Variants in FIGN observed in about 807,000 individuals in gnomAD.
FIGN encodes fidgetin.
FIGN carries 11 observed loss-of-function variants against 51.3 expected under a neutral mutation model. The observed-to-expected ratio is 0.21, with a 90% CI of 0.13 to 0.35. The LOEUF (loss-of-function observed/expected upper bound fraction) is 0.35, where lower values mean the gene tolerates loss of function less well. Among genes scored for constraint, FIGN ranks in the 10% least tolerant of loss-of-function variants. The pLI, the probability that FIGN is intolerant of heterozygous loss-of-function variation, is 1.00. For missense variants in FIGN, 857 were observed against 943.6 expected (o/e 0.91, Z 1.20); for synonymous variants, 407 against 363.2 (o/e 1.12, Z -1.37).
At chr2:163,659,712 T>C (rs1683620713) in intron 2 of FIGN, among the ~76,000 whole-genome samples, 1 of 152,222 alleles carries the variant, frequency 6.6e-6, no homozygotes, top group Non-Finnish European at 1.5e-5. Context: ...ACCAGGGTAA[T>C]TAGATTATGA....
In FIGN at chr2:163,713,016, T is replaced by TTTTA. The variant is rs1244532654; in HGVS notation, c.25+21883_25+21886dup. On this transcript the variant is annotated intron_variant, in intron 2 of 2. Coordinates refer to ENST00000333129, the MANE Select transcript of FIGN (RefSeq NM_018086.4). ...CAGAGATTCAGTCACATGAATAATA[T>TTTTA]TTTAGCAAAAACTCTGAGGATGAGG... 2.0e-4 allele frequency among the ~76,000 whole-genome samples: 30 copies of TTTTA among 152,288 alleles called. No individual in the cohort carries two copies. The East Asian group carries it at 4.6e-3, about 23-fold the overall frequency.
intron 2 of FIGN, among the ~76,000 whole-genome samples, chr2:163,632,536 C>A (rs1395318450): frequency 2.6e-5 from 4 of 152,182 alleles, no homozygotes; most frequent in Non-Finnish European, 5.9e-5. Flanking sequence ...CGGGGAGAGA[C>A]CTGGAGATCC....
chr2:163,660,345 C>T (rs1034468624), intron 2 of FIGN, among the ~76,000 whole-genome samples: 1 of 152,024 alleles, frequency 6.6e-6, no homozygotes, highest in African/African-American at 2.4e-5. Flanking sequence ...TCCTTTACTT[C>T]CTTCTCATTG....
intron 2 of FIGN, among the ~76,000 whole-genome samples, chr2:163,704,360 T>A (rs1246534689): frequency 5.3e-5 from 8 of 152,032 alleles, no homozygotes; most frequent in African/African-American, 1.9e-4. Context: ...AAGTGGCAAT[T>A]CTGTGGTGAT....
chr2:163,723,879 T>C (rs1684798171), intron 2 of FIGN, among the ~76,000 whole-genome samples: 1 of 150,044 alleles, frequency 6.7e-6, no homozygotes, highest in South Asian at 2.1e-4. Flanking sequence ...ATGCTTATCA[T>C]CTCTTCTGAT....
chr2:163,707,352 CT>C (rs967562991), intron 2 of FIGN, among the ~76,000 whole-genome samples: 2 of 1,768 alleles, frequency 1.1e-3, no homozygotes, highest in African/African-American at 2.7e-3. Context: ...GAGACTCTGT[CT>C]CAAAAAAAAA....
chr2:163,669,393 A>G (rs754300480), intron 2 of FIGN, among the ~76,000 whole-genome samples: 3 of 152,222 alleles, frequency 2.0e-5, no homozygotes, highest in Non-Finnish European at 4.4e-5. Flanking sequence ...TGCATTTTGT[A>G]TTTGTTGAGA....
intron 2 of FIGN, among the ~76,000 whole-genome samples, chr2:163,657,721 G>A (rs1171735129): frequency 2.0e-5 from 3 of 152,022 alleles, no homozygotes; most frequent in African/African-American, 7.3e-5. Flanking sequence ...CATTTTAGTA[G>A]GTCATGCTAA....
chr2:163,699,547 T>C (rs568912489), intron 2 of FIGN, among the ~76,000 whole-genome samples: 1 of 152,260 alleles, frequency 6.6e-6, no homozygotes, highest in South Asian at 2.1e-4. Flanking sequence ...CTTACCTTGT[T>C]TTACATTTAG....
chr2:163,704,909 A>T (rs568109212), intron 2 of FIGN, among the ~76,000 whole-genome samples: 1 of 152,236 alleles, frequency 6.6e-6, no homozygotes, highest in South Asian at 2.1e-4. Context: ...AGTTCACATT[A>T]TATGCAACTA....
intron 2 of FIGN, among the ~76,000 whole-genome samples, chr2:163,667,339 A>AC (rs1344684191): frequency 9.2e-5 from 4 of 43,250 alleles, no homozygotes; most frequent in Non-Finnish European, 1.6e-4. Flanking sequence ...CTATCCCCAC[A>AC]AAAAAAAAAA....
chr2:163,621,413 T>G (rs2105305664), intron 2 of FIGN, among the ~76,000 whole-genome samples: 1 of 152,306 alleles, frequency 6.6e-6, no homozygotes, highest in Middle Eastern at 3.4e-3. Context: ...CTGGGACCTG[T>G]GTATAATTTA....
At chr2:163,729,429 G>A (rs1403094655) in intron 2 of FIGN, among the ~76,000 whole-genome samples, 1 of 151,738 alleles carries the variant, frequency 6.6e-6, no homozygotes, top group Non-Finnish European at 1.5e-5. Flanking sequence ...CATTTTATAG[G>A]TATTTTACAT....
chr2:163,733,720 T>A (rs963938217), intron 2 of FIGN, among the ~76,000 whole-genome samples: 2 of 152,212 alleles, frequency 1.3e-5, no homozygotes, highest in Non-Finnish European at 2.9e-5. Flanking sequence ...TGTATTTAGC[T>A]CAATAGTCAC....
rs941219869 is a variant in FIGN at position 163,606,431 on chromosome 2, A to C, written c.*3121T>G. On this transcript the variant is annotated 3_prime_UTR_variant, in exon 3 of 3. Transcript: ENST00000333129. ...AAGGGAATTAGGGGCTGTAAAGTGGAATGGCTCAATCTCTTAGCCAGACAG... is the reference window on the plus strand; with the variant it reads ...AAGGGAATTAGGGGCTGTAAAGTGGCATGGCTCAATCTCTTAGCCAGACAG... 2 of 152,174 alleles carry C rather than the reference A, an allele frequency of 1.3e-5. No homozygotes were observed. Among genetic ancestry groups the C allele is most frequent in the African/African-American group, 2.4e-5 (1 of 41,442 alleles). The allele number at this position is 152,174 out of a possible 1,614,324, so 9.4% of individuals were successfully genotyped here.
chr2:163,728,294 T>C (rs1684870586), intron 2 of FIGN, among the ~76,000 whole-genome samples: 1 of 151,836 alleles, frequency 6.6e-6, no homozygotes, highest in African/African-American at 2.4e-5. Flanking sequence ...CGAGGAGGGA[T>C]AGTGGCAGTA....
chr2:163,627,422 C>A (rs905130339), intron 2 of FIGN, among the ~76,000 whole-genome samples: 3 of 152,092 alleles, frequency 2.0e-5, no homozygotes, highest in African/African-American at 7.2e-5. Flanking sequence ...ACAAACAATG[C>A]ATAACACATA....
At chr2:163,726,307 C>T (rs1684837395) in intron 2 of FIGN, among the ~76,000 whole-genome samples, 1 of 152,050 alleles carries the variant, frequency 6.6e-6, no homozygotes. Flanking sequence ...TTTGTACTGA[C>T]TCTACTGGCA....
chr2:163,708,951 T>C (rs1359009481), intron 2 of FIGN, among the ~76,000 whole-genome samples: 3 of 152,178 alleles, frequency 2.0e-5, no homozygotes, highest in Non-Finnish European at 4.4e-5. Context: ...TATAGAAAGT[T>C]TCTGTGAGAT....
Sources: gnomAD v4.1 joint callset for allele counts (sites outside exome capture counted in the v4.1 genomes callset) on GRCh38, gnomAD v4.1.1 for gene constraint, MANE v1.5 for transcripts, NCBI Gene and HGNC (gene_info 2026-07-23, HGNC 2026-07-21) for gene names.